GPA33: variants seen among roughly 807,000 people sequenced by gnomAD.
The protein encoded by GPA33 is glycoprotein A33.
GPA33 carries 27 observed loss-of-function variants against 35.6 expected under a neutral mutation model. The observed-to-expected ratio is 0.76, with a 90% CI of 0.56 to 1.04. GPA33 has a LOEUF of 1.04. Among genes scored for constraint, GPA33 ranks in the 50% least tolerant of loss-of-function variants. The probability of loss-of-function intolerance (pLI) is 0.00; values close to 1 mark genes in which losing one functional copy is unlikely to be tolerated. For missense variants in GPA33, 428 were observed against 411.9 expected, an observed-to-expected ratio of 1.04 and a Z score of -0.34; for synonymous variants, 176 against 164.0, an observed-to-expected ratio of 1.07 and a Z score of -0.56.
At chr1:167,086,242 C>T (rs747609231) in intron 1 of GPA33, among the ~76,000 whole-genome samples, 2 of 152,308 alleles carry the variant, frequency 1.3e-5, no homozygotes. Flanking sequence ...CAGGCCCCAG[C>T]GGGGAGCCAG....
intron 4 of GPA33, among the ~76,000 whole-genome samples, chr1:167,060,555 T>C (rs1571305461): frequency 1.4e-5 from 2 of 144,980 alleles, no homozygotes; most frequent in East Asian, 3.9e-4. Flanking sequence ...AGAGACAGGA[T>C]AAAGCTTTCA....
At chr1:167,086,754 G>A (rs892124380) in intron 1 of GPA33, among the ~76,000 whole-genome samples, 5 of 152,164 alleles carry the variant, frequency 3.3e-5, no homozygotes, top group Admixed American at 1.3e-4. Context: ...TATATGGGGG[G>A]AGAAAAAACA....
chr1:167,055,211 C>A (rs56113143), intron 5 of GPA33, 100 bp from the exon 6 acceptor site: 2 of 1,129,308 alleles, frequency 1.8e-6, no homozygotes, highest in Non-Finnish European at 2.6e-6. Flanking sequence ...TGGTAACACT[C>A]CATGAAAGGC....
At chr1:167,085,713 C>A (rs1462109504) in intron 1 of GPA33, among the ~76,000 whole-genome samples, 3 of 152,218 alleles carry the variant, frequency 2.0e-5, no homozygotes, top group Non-Finnish European at 4.4e-5. Context: ...TACCATTGAG[C>A]CCCCTAAATT....
intron 1 of GPA33, among the ~76,000 whole-genome samples, chr1:167,086,521 C>A (rs1370672201): frequency 6.6e-6 from 1 of 152,208 alleles, no homozygotes; most frequent in African/African-American, 2.4e-5. Context: ...CAGGGACCAA[C>A]CCACACCTGT....
intron 4 of GPA33, among the ~76,000 whole-genome samples, chr1:167,061,720 A>T (rs775641300): frequency 6.7e-6 from 1 of 149,292 alleles, no homozygotes; most frequent in Non-Finnish European, 1.5e-5. Flanking sequence ...CTCCTACCTC[A>T]GCCTCCGGAG....
chr1:167,086,177 C>T (rs577966961), intron 1 of GPA33, among the ~76,000 whole-genome samples: 1 of 152,368 alleles, frequency 6.6e-6, no homozygotes, highest in African/African-American at 2.4e-5. Flanking sequence ...GGTGCATGAG[C>T]TCTTCCTACA....
rs184081691 is a variant in GPA33, at chr1:167,083,830, T to C, written c.43+6415A>G. 5.1e-4 allele frequency among the ~76,000 whole-genome samples: 77 copies of C among 152,228 alleles called. 1 individual carries two copies. The highest frequency in any genetic ancestry group is 5.0e-3 in the Admixed American group (77 of 15,298). ...ACTAACACAAACCAGTGTGTAGCTA[T>C]GGCACCAGGGAGGTTTCTTGGGGGT... On this transcript the variant is annotated intron_variant, in intron 1 of 6. Coordinates refer to ENST00000367868, the MANE Select transcript of GPA33 (RefSeq NM_005814.3).
chr1:167,054,388 C>A lies in GPA33; in HGVS notation c.906G>T (p.Arg302Ser). Residue 302 changes from arginine to serine, a missense_variant, in exon 7 of 7, where the codon AGG (arginine) becomes AGT (serine). Physicochemically the swap from Arg to Ser is moderately radical, Grantham distance 110. Transcript: ENST00000367868. ...SREREEEDDYRQEEQRSTGRE... is the reference protein window; with the variant it reads ...SREREEEDDYSQEEQRSTGRE... ...GCCCAGTGCTCCTCTGCTCTTCTTG[C>A]CTGTAGTCATCCTCCTCCTCCCTCT... is the stretch of plus-strand genomic sequence containing the variant. 1 of 1,614,096 alleles carries A rather than the reference C, an allele frequency of 6.2e-7. No individual in the cohort carries two copies. The highest frequency in any genetic ancestry group is 8.5e-7 in the Non-Finnish European group (1 of 1,180,000).
At chr1:167,062,391 A>G (rs1433338461) in intron 4 of GPA33, among the ~76,000 whole-genome samples, 1 of 151,396 alleles carries the variant, frequency 6.6e-6, no homozygotes, top group Non-Finnish European at 1.5e-5. Flanking sequence ...TAATTTTTTA[A>G]AAATTTTGTT....
chr1:167,056,739 G>GTGTGTAGTA (rs1666293210), intron 4 of GPA33, among the ~76,000 whole-genome samples: 28 of 124,550 alleles, frequency 2.2e-4, no homozygotes, highest in Non-Finnish European at 3.0e-4. Context: ...TGTATGTGGT[G>GTGTGTAGTA]TGTGTGGTGT....
chr1:167,066,963 C>G (rs1453793427), intron 3 of GPA33, among the ~76,000 whole-genome samples: 1 of 152,190 alleles, frequency 6.6e-6, no homozygotes, highest in East Asian at 1.9e-4. Context: ...GTCATCCAGC[C>G]CCAGTGGGCT....
intron 1 of GPA33, among the ~76,000 whole-genome samples, chr1:167,087,215 C>T (rs1667070386): frequency 6.6e-6 from 1 of 152,018 alleles, no homozygotes; most frequent in South Asian, 2.1e-4. Flanking sequence ...TCTGCCATCT[C>T]AGAGCTCTCG....
rs148089044 is a variant in GPA33 at position 167,063,713 on chromosome 1, C to T, written c.440G>A (p.Gly147Asp). ...VLVPPSKPEC[G>D]IEGETIIGNN... is the part of the protein sequence containing the mutation. The stretch of plus-strand genomic sequence containing the variant: ...CCCAATTATGGTCTCTCCCTCGATG[C>T]CGCATTCTGGTTTGGAGGGTGGCAC... Residue 147 changes from glycine to aspartate, a missense_variant, in exon 4 of 7, where the codon GGC becomes GAC. Physicochemically the swap from Gly to Asp is moderately conservative, Grantham distance 94. Transcript: ENST00000367868. The T allele has an allele frequency of 9.4e-5, 152 of 1,613,206 alleles. No homozygotes were observed. The highest frequency in any genetic ancestry group is 1.1e-4 in the Non-Finnish European group (135 of 1,179,950).
intron 1 of GPA33, among the ~76,000 whole-genome samples, chr1:167,073,789 A>C (rs2102192353): frequency 6.6e-6 from 1 of 152,280 alleles, no homozygotes; most frequent in South Asian, 2.1e-4. Flanking sequence ...CCTGAACCTC[A>C]GCCCTACTTC....
intron 4 of GPA33, among the ~76,000 whole-genome samples, chr1:167,063,379 C>A (rs1469960653): frequency 6.6e-6 from 1 of 152,200 alleles, no homozygotes; most frequent in Non-Finnish European, 1.5e-5. Flanking sequence ...AACTGCACTC[C>A]AGCCTGGGCC....
chr1:167,073,075 A>G (rs1214663439), intron 2 of GPA33, among the ~76,000 whole-genome samples: 1 of 152,154 alleles, frequency 6.6e-6, no homozygotes. Context: ...AAAAAAACCC[A>G]TAAAATTTGG....
At chr1:167,079,761 A>C (rs868135950) in intron 1 of GPA33, among the ~76,000 whole-genome samples, 1 of 152,234 alleles carries the variant, frequency 6.6e-6, no homozygotes, top group African/African-American at 2.4e-5. Context: ...CAATGAAGAC[A>C]TCTGGCTGGA....
chr1:167,056,260 C>T (rs879571020), intron 4 of GPA33, among the ~76,000 whole-genome samples: 2 of 152,126 alleles, frequency 1.3e-5, no homozygotes, highest in Non-Finnish European at 2.9e-5. Flanking sequence ...AAACATAATG[C>T]ACATTATGTA....
Sources: gnomAD v4.1 joint callset for allele counts (sites outside exome capture counted in the v4.1 genomes callset) on GRCh38, gnomAD v4.1.1 for gene constraint, MANE v1.5 for transcripts, NCBI Gene and HGNC (gene_info 2026-07-23, HGNC 2026-07-21) for gene names.